The following WWOX variants were observed in gnomAD, a reference collection of about 807,000 sequenced individuals.
WWOX encodes the protein WW domain containing oxidoreductase, also known as WW domain-containing oxidoreductase.
Under a neutral mutation model 46.2 loss-of-function variants are expected in WWOX, and 69 were observed. The ratio of observed to expected loss-of-function variants is 1.49; its 90% CI spans 1.23 to 1.82. WWOX has a LOEUF of 1.82. WWOX is among the 40% of genes most tolerant of loss of function. The pLI, the probability that WWOX is intolerant of heterozygous loss-of-function variation, is 0.00. For synonymous variants in WWOX, 359 were observed against 202.6 expected (o/e 1.77, Z -6.56); for missense variants, 919 against 542.6 (o/e 1.69, Z -6.89).
chr16:78,838,329 G>C (rs2052046960), intron 8 of WWOX, among the ~76,000 whole-genome samples: 1 of 152,178 alleles, frequency 6.6e-6, no homozygotes, highest in East Asian at 1.9e-4. Flanking sequence ...AACCAGAAGA[G>C]CTGACTTCAG....
intron 6 of WWOX, among the ~76,000 whole-genome samples, chr16:78,395,339 C>T (rs113577429): frequency 5.4e-4 from 82 of 152,188 alleles, no homozygotes; most frequent in African/African-American, 1.9e-3. Context: ...GGTAATTTGG[C>T]AAAACCTTGT....
intron 8 of WWOX, among the ~76,000 whole-genome samples, chr16:78,728,520 T>C (rs184224158): frequency 6.6e-6 from 1 of 152,322 alleles, no homozygotes; most frequent in East Asian, 1.9e-4. Flanking sequence ...TGATATCACA[T>C]GGCATGTGGC....
intron 8 of WWOX, among the ~76,000 whole-genome samples, chr16:78,872,150 G>T (rs1446663474): frequency 6.6e-6 from 1 of 152,192 alleles, no homozygotes; most frequent in Non-Finnish European, 1.5e-5. Flanking sequence ...GGTTATAATT[G>T]CAGGTACTTT....
At chr16:78,742,956 A>G (rs550169051) in intron 8 of WWOX, among the ~76,000 whole-genome samples, 3 of 152,096 alleles carry the variant, frequency 2.0e-5, no homozygotes, top group Non-Finnish European at 4.4e-5. Context: ...GTGGAAGAGT[A>G]AGAGGGGCCT....
chr16:78,157,452 G>GTCGTCTTGCTT (rs1370555149), intron 4 of WWOX, among the ~76,000 whole-genome samples: 8 of 152,154 alleles, frequency 5.3e-5, no homozygotes. Flanking sequence ...TGAGATTATT[G>GTCGTCTTGCTT]TCGTCTTGCT....
intron 8 of WWOX, among the ~76,000 whole-genome samples, chr16:78,960,746 A>G (rs1293142130): frequency 6.6e-6 from 1 of 152,190 alleles, no homozygotes; most frequent in Non-Finnish European, 1.5e-5. Flanking sequence ...TTGTTCCAAA[A>G]GGAGCCTATG....
intron 5 of WWOX, among the ~76,000 whole-genome samples, chr16:78,185,419 A>G (rs974164074): frequency 7.2e-5 from 11 of 152,266 alleles, no homozygotes; most frequent in African/African-American, 2.2e-4. Flanking sequence ...GCTTTCCCCA[A>G]GAATACACCA....
chr16:78,808,600 C>G (rs2051104071), intron 8 of WWOX, among the ~76,000 whole-genome samples: 1 of 152,286 alleles, frequency 6.6e-6, no homozygotes. Flanking sequence ...GAGGCCTCTT[C>G]CTCACTGCTT....
intron 4 of WWOX, among the ~76,000 whole-genome samples, chr16:78,159,603 C>G (rs1249319293): frequency 6.7e-6 from 1 of 148,164 alleles, no homozygotes; most frequent in Non-Finnish European, 1.5e-5. Flanking sequence ...TTTTCATACA[C>G]TTGGCTATTT....
Position 78,547,878 on chromosome 16 carries a change from G to A in WWOX, c.1056+115126G>A, listed in dbSNP as rs566728771. ...ATTAAATTTCAACATATGGCTGGGC[G>A]TGGTGGCTCACACCTGTAATCCCAG... On this transcript the variant is annotated intron_variant, in intron 8 of 8. Coordinates refer to ENST00000566780, the MANE Select transcript of WWOX (RefSeq NM_016373.4). Among the ~76,000 whole-genome samples, 287 of 152,150 alleles carry A rather than the reference G, an allele frequency of 1.9e-3. 1 individual carries two copies. Among genetic ancestry groups the A allele is most frequent in the African/African-American group, 6.3e-3 (260 of 41,490 alleles).
intron 6 of WWOX, among the ~76,000 whole-genome samples, chr16:78,404,753 A>G (rs888219616): frequency 7.9e-5 from 12 of 152,102 alleles, no homozygotes; most frequent in Non-Finnish European, 7.4e-5. Flanking sequence ...ACTTTTTCTT[A>G]CTTTCCCGAC....
intron 5 of WWOX, among the ~76,000 whole-genome samples, chr16:78,348,933 A>C (rs1793500611): frequency 8.3e-6 from 1 of 120,706 alleles, no homozygotes; most frequent in African/African-American, 2.8e-5. Context: ...ATAGCCCAGC[A>C]GAGGGGAAAA....
intron 8 of WWOX, among the ~76,000 whole-genome samples, chr16:78,677,997 T>C (rs966061444): frequency 1.3e-5 from 2 of 152,216 alleles, no homozygotes; most frequent in Non-Finnish European, 2.9e-5. Context: ...CAAATTTCTT[T>C]CCAAACTCTG....
chr16:78,347,383 C>G (rs1438789268), intron 5 of WWOX, among the ~76,000 whole-genome samples: 1 of 118,110 alleles, frequency 8.5e-6, no homozygotes, highest in African/African-American at 2.9e-5. Flanking sequence ...AAGTATCTGT[C>G]CATGGTGTTG....
rs1555517850 is a variant in WWOX at position 78,314,700 on chromosome 16, T to TG, written c.517-72159dup. Reference sequence around the variant, plus strand: ...CCACCCTGCAGGGGTTTTTTTTTTTTGTTTTTTTTTTTTTTTTTTTTCTGT... The same window carrying TG: ...CCACCCTGCAGGGGTTTTTTTTTTTTGGTTTTTTTTTTTTTTTTTTTTCTGT... On this transcript the variant is annotated intron_variant, in intron 5 of 8. Coordinates refer to ENST00000566780, the MANE Select transcript of WWOX (RefSeq NM_016373.4). Among the ~76,000 whole-genome samples the TG allele has an allele frequency of 5.7e-5, 4 of 69,920 alleles. No individual in the cohort carries two copies. In the East Asian group the frequency reaches 0.012, roughly 206 times the overall value. 45.9% of individuals were successfully genotyped at this position (69,920 alleles called of 152,430 possible).
chr16:79,016,804 G>C (rs1239702871), intron 8 of WWOX: 1 of 152,224 alleles, frequency 6.6e-6, no homozygotes, highest in African/African-American at 2.4e-5. Flanking sequence ...AGAAGATGAT[G>C]ACCTCAACTA....
chr16:78,272,492 G>A (rs1460059619), intron 5 of WWOX, among the ~76,000 whole-genome samples: 1 of 152,198 alleles, frequency 6.6e-6, no homozygotes, highest in East Asian at 1.9e-4. Context: ...GGACTAAGCA[G>A]TTACAAAACC....
Position 78,401,245 on chromosome 16 carries a change from T to C in WWOX, c.605+14297T>C, listed in dbSNP as rs185717462. Among the ~76,000 whole-genome samples the C allele has an allele frequency of 2.4e-3, 369 of 151,868 alleles. 2 individuals carry two copies. Among genetic ancestry groups the C allele is most frequent in the African/African-American group, 8.5e-3 (349 of 41,162 alleles). On this transcript the variant is annotated intron_variant, in intron 6 of 8. Coordinates refer to ENST00000566780, the MANE Select transcript of WWOX (RefSeq NM_016373.4). ...TTCTAATACCACTTTTTTCTACATT[T>C]TCCATAATTTAGTGAAGATAGTAAA... is the stretch of plus-strand genomic sequence containing the variant.
chr16:78,971,467 AAAAAAAAG>A (rs2046468573), intron 8 of WWOX, among the ~76,000 whole-genome samples: 3 of 112,054 alleles, frequency 2.7e-5, no homozygotes, highest in South Asian at 3.0e-4. Context: ...AAAAAAAAAA[AAAAAAAAG>A]AGAGAGATAG....
Sources: allele counts gnomAD v4.1 joint callset (sites outside exome capture counted in the v4.1 genomes callset), GRCh38; gene constraint gnomAD v4.1.1; transcripts MANE v1.5; gene names NCBI Gene and HGNC (gene_info 2026-07-23, HGNC 2026-07-21).